ZNRF3: variants seen among roughly 807,000 people sequenced by gnomAD.
ZNRF3 encodes the protein E3 ubiquitin-protein ligase ZNRF3.
A neutral mutation model predicts 72.5 loss-of-function variants in ZNRF3; 23 were observed. The ratio of observed to expected loss-of-function variants is 0.32; its 90% CI spans 0.23 to 0.45. The LOEUF (loss-of-function observed/expected upper bound fraction) is 0.45, where lower values mean the gene tolerates loss of function less well. ZNRF3 is among the 20% of genes least tolerant of loss of function. ZNRF3 has a pLI of 1.00. For missense variants in ZNRF3, 1,169 were observed against 1,272.1 expected (o/e 0.92, Z 1.23); for synonymous variants, 610 against 545.3 (o/e 1.12, Z -1.65).
At chr22:29,003,088 G>T (rs1163128055) in intron 2 of ZNRF3, among the ~76,000 whole-genome samples, 1 of 152,116 alleles carries the variant, frequency 6.6e-6, no homozygotes, top group Non-Finnish European at 1.5e-5. Context: ...AAGATATTCA[G>T]TCTCTCTGCA....
intron 1 of ZNRF3, among the ~76,000 whole-genome samples, chr22:28,908,652 T>C (rs554924625): frequency 1.1e-4 from 17 of 152,324 alleles, no homozygotes; most frequent in Middle Eastern, 3.4e-3. Context: ...CCATTCTGCA[T>C]TGGCTCTCCT....
chr22:28,909,297 T>A (rs184295435), intron 1 of ZNRF3, among the ~76,000 whole-genome samples: 1 of 152,284 alleles, frequency 6.6e-6, no homozygotes, highest in Non-Finnish European at 1.5e-5. Flanking sequence ...TATTGCTACC[T>A]ATGGAAGAGT....
chr22:29,021,166 G>A (rs963238200), intron 2 of ZNRF3, among the ~76,000 whole-genome samples: 5 of 151,930 alleles, frequency 3.3e-5, no homozygotes, highest in South Asian at 4.2e-4. Flanking sequence ...CCCAGGAGGC[G>A]GAGGTTGCAA....
intron 1 of ZNRF3, among the ~76,000 whole-genome samples, chr22:28,963,436 T>TA (rs1445818325): frequency 6.6e-6 from 1 of 152,190 alleles, no homozygotes; most frequent in African/African-American, 2.4e-5. Context: ...ATCACCTGAT[T>TA]AAAATATTGC....
At chr22:28,927,657 C>T (rs2034628775) in intron 1 of ZNRF3, among the ~76,000 whole-genome samples, 1 of 152,180 alleles carries the variant, frequency 6.6e-6, no homozygotes, top group Non-Finnish European at 1.5e-5. Context: ...CTGTTGTGAA[C>T]AGGAGCTGGA....
intron 1 of ZNRF3, among the ~76,000 whole-genome samples, chr22:28,911,491 A>G (rs887439867): frequency 1.3e-4 from 20 of 152,220 alleles, no homozygotes; most frequent in African/African-American, 4.8e-4. Context: ...ACAGTCTGGA[A>G]TGTAAGGGAG....
intron 1 of ZNRF3, among the ~76,000 whole-genome samples, chr22:28,985,438 G>A (rs1455310051): frequency 6.6e-6 from 1 of 152,104 alleles, no homozygotes; most frequent in Non-Finnish European, 1.5e-5. Flanking sequence ...AAGCTCACTC[G>A]AGGCTCAGCA....
chr22:29,012,683 G>A (rs940123463), intron 2 of ZNRF3, among the ~76,000 whole-genome samples: 2 of 152,186 alleles, frequency 1.3e-5, no homozygotes, highest in Non-Finnish European at 2.9e-5. Flanking sequence ...TGTTAAATTC[G>A]CAGCTTACTA....
chr22:28,950,001 CTT>C (rs1163735145), intron 1 of ZNRF3, among the ~76,000 whole-genome samples: 1 of 151,892 alleles, frequency 6.6e-6, no homozygotes, highest in Non-Finnish European at 1.5e-5. Context: ...ATTTAATAAA[CTT>C]AATAGTTTTT....
chr22:28,989,196 G>A lies in ZNRF3; in HGVS notation c.426+1995G>A, dbSNP rs138704642. ...ACGTTTCTCTGGAGAGGCTGGTGGC[G>A]GGCAGCATTTGCACATGGTTAGTCA... On this transcript the variant is annotated intron_variant, in intron 2 of 8. Coordinates refer to ENST00000544604, the MANE Select transcript of ZNRF3 (RefSeq NM_001206998.2). 1.8e-3 allele frequency among the ~76,000 whole-genome samples: 276 copies of A among 152,290 alleles called. 4 individuals carry two copies. Among genetic ancestry groups the A allele is most frequent in the African/African-American group, 6.0e-3 (250 of 41,544 alleles).
chr22:28,914,495 CTTTT>C (rs132544), intron 1 of ZNRF3, among the ~76,000 whole-genome samples: 2 of 125,970 alleles, frequency 1.6e-5, no homozygotes, highest in African/African-American at 3.0e-5. Flanking sequence ...TGACATAGAG[CTTTT>C]TTTTTTTTTT....
chr22:28,994,128 T>C (rs1249151219), intron 2 of ZNRF3, among the ~76,000 whole-genome samples: 1 of 150,290 alleles, frequency 6.7e-6, no homozygotes, highest in Non-Finnish European at 1.5e-5. Context: ...TTATTGTCCA[T>C]CTTCTCTTCC....
At chr22:28,989,891 A>T (rs2035925103) in intron 2 of ZNRF3, among the ~76,000 whole-genome samples, 1 of 152,256 alleles carries the variant, frequency 6.6e-6, no homozygotes, top group Non-Finnish European at 1.5e-5. Flanking sequence ...CCAAGAGTTC[A>T]AATAAAATTT....
At position 28,919,520 on chromosome 22, in the gene ZNRF3, G is replaced by A. The variant is rs1341670707; in HGVS notation, c.300+35454G>A. ...ATGCAGGTATGGAAATACAGACCCGGTTAGACTTTTAGCCTCTTTACTTTT... is the reference window on the plus strand; with the variant it reads ...ATGCAGGTATGGAAATACAGACCCGATTAGACTTTTAGCCTCTTTACTTTT... On this transcript the variant is annotated intron_variant, in intron 1 of 8. Transcript: ENST00000544604. Among the ~76,000 whole-genome samples, 3 of 151,778 alleles carry A rather than the reference G, an allele frequency of 2.0e-5. No individual in the cohort carries two copies. In the East Asian group the frequency reaches 5.8e-4, roughly 29 times the overall value.
chr22:28,962,908 A>G (rs2035390470), intron 1 of ZNRF3, among the ~76,000 whole-genome samples: 1 of 152,152 alleles, frequency 6.6e-6, no homozygotes, highest in Admixed American at 6.5e-5. Flanking sequence ...AAGCCGTTTT[A>G]TGCACAGTGG....
intron 1 of ZNRF3, among the ~76,000 whole-genome samples, chr22:28,958,913 T>G (rs957186479): frequency 1.3e-5 from 2 of 152,240 alleles, no homozygotes; most frequent in African/African-American, 4.8e-5. Flanking sequence ...CTCTGGAGGC[T>G]TGGCAAGATG....
At chr22:28,976,465 C>G (rs1395418087) in intron 1 of ZNRF3, among the ~76,000 whole-genome samples, 1 of 152,114 alleles carries the variant, frequency 6.6e-6, no homozygotes, top group Non-Finnish European at 1.5e-5. Flanking sequence ...AAGATTGTGC[C>G]TCTACACGCC....
chr22:28,988,861 A>G (rs1217984477), intron 2 of ZNRF3, among the ~76,000 whole-genome samples: 2 of 152,152 alleles, frequency 1.3e-5, no homozygotes, highest in African/African-American at 4.8e-5. Context: ...GCATCTATAA[A>G]TGGGTTGGAA....
At chr22:28,952,398 G>T (rs2035179749) in intron 1 of ZNRF3, among the ~76,000 whole-genome samples, 2 of 152,100 alleles carry the variant, frequency 1.3e-5, no homozygotes, top group South Asian at 4.1e-4. Context: ...AGGGACATCA[G>T]CTAGGCCTTT....
Sources: gnomAD v4.1 joint callset for allele counts (sites outside exome capture counted in the v4.1 genomes callset) on GRCh38, gnomAD v4.1.1 for gene constraint, MANE v1.5 for transcripts, NCBI Gene and HGNC (gene_info 2026-07-23, HGNC 2026-07-21) for gene names.